The following NR3C2 variants were observed in gnomAD, a reference collection of about 807,000 sequenced individuals.
NR3C2 encodes the protein mineralocorticoid receptor.
In NR3C2, 15 loss-of-function variants were observed where a neutral mutation model predicts 86.4. The ratio of observed to expected loss-of-function variants is 0.17; its 90% CI spans 0.12 to 0.27. The LOEUF (loss-of-function observed/expected upper bound fraction) is 0.27, where lower values mean the gene tolerates loss of function less well. NR3C2 is among the 10% of genes least tolerant of loss of function. The probability of loss-of-function intolerance (pLI) is 1.00; values close to 1 mark genes in which losing one functional copy is unlikely to be tolerated. For synonymous variants in NR3C2, 458 were observed against 450.5 expected, an observed-to-expected ratio of 1.02 and a Z score of -0.21; for missense variants, 960 against 1,195.6, an observed-to-expected ratio of 0.80 and a Z score of 2.91.
intron 3 of NR3C2, among the ~76,000 whole-genome samples, chr4:148,209,811 C>T (rs1298410508): frequency 6.6e-6 from 1 of 152,164 alleles, no homozygotes; most frequent in Non-Finnish European, 1.5e-5. Flanking sequence ...CTCCAGATCC[C>T]ATCCAGCCTT....
chr4:148,378,941 AAAT>A (rs1160758831), intron 2 of NR3C2, among the ~76,000 whole-genome samples: 1 of 152,226 alleles, frequency 6.6e-6, no homozygotes, highest in Admixed American at 6.5e-5. Context: ...AATTGTGTTC[AAAT>A]AATAGAATAT....
chr4:148,231,015 T>G (rs1738433823), intron 3 of NR3C2, among the ~76,000 whole-genome samples: 2 of 152,238 alleles, frequency 1.3e-5, no homozygotes, highest in Admixed American at 1.3e-4. Flanking sequence ...CAGAGAAGAC[T>G]GCTTTTTATT....
intron 3 of NR3C2, among the ~76,000 whole-genome samples, chr4:148,221,156 C>T (rs1737819928): frequency 6.6e-6 from 1 of 152,268 alleles, no homozygotes; most frequent in African/African-American, 2.4e-5. Context: ...TCAGTGTCAG[C>T]TTGCTCATCT....
chr4:148,296,475 T>C (rs1490508992), intron 2 of NR3C2, among the ~76,000 whole-genome samples: 1 of 152,178 alleles, frequency 6.6e-6, no homozygotes, highest in Non-Finnish European at 1.5e-5. Context: ...CATTACACCT[T>C]TCATAATCAT....
chr4:148,099,403 C>T (rs945258919), intron 8 of NR3C2, among the ~76,000 whole-genome samples: 4 of 152,174 alleles, frequency 2.6e-5, no homozygotes, highest in African/African-American at 9.7e-5. Context: ...ACAGGAGCCA[C>T]CTGATGGCTC....
rs1399820562 is a variant in NR3C2 at position 148,079,752 on chromosome 4, T to C, written c.*1592A>G. 1.3e-5 allele frequency: 2 copies of C among 152,642 alleles called. No individual in the cohort carries two copies. The highest frequency in any genetic ancestry group is 2.9e-5 in the Non-Finnish European group (2 of 68,050). 9.5% of individuals were successfully genotyped at this position (152,642 alleles called of 1,614,324 possible). A position where few individuals can be genotyped will look rare whatever the true frequency, so the allele number is the denominator to read the frequency against. On this transcript the variant is annotated 3_prime_UTR_variant, in exon 9 of 9. Transcript: ENST00000358102. ...TGTAATTTTTCTCCAAAACTGTTTA[T>C]GTATAAAACTTATTTTTAAAACCTA... is the stretch of plus-strand genomic sequence containing the variant.
In NR3C2 at chr4:148,268,733, T is replaced by C. The variant is rs79424581; in HGVS notation, c.1758-8616A>G. Among the ~76,000 whole-genome samples the C allele has an allele frequency of 7.6e-3, 1,155 of 152,162 alleles. 11 individuals are homozygous for C. Among genetic ancestry groups the C allele is most frequent in the Non-Finnish European group, 0.013 (858 of 67,998 alleles). ...GTACCTTAGAGACAATCACAGAAAA[T>C]GGCCCAAATCATGGAGGGTCTCTAA... On this transcript the variant is annotated intron_variant, in intron 2 of 8. Coordinates refer to ENST00000358102, the MANE Select transcript of NR3C2 (RefSeq NM_000901.5).
intron 6 of NR3C2, among the ~76,000 whole-genome samples, chr4:148,126,615 A>G (rs995310192): frequency 6.6e-6 from 1 of 152,224 alleles, no homozygotes; most frequent in Non-Finnish European, 1.5e-5. Context: ...CAGATTAAAG[A>G]TTAAAGAGAG....
chr4:148,389,917 T>A (rs1747455377), intron 2 of NR3C2, among the ~76,000 whole-genome samples: 1 of 152,098 alleles, frequency 6.6e-6, no homozygotes, highest in South Asian at 2.1e-4. Flanking sequence ...AAAATCTGAC[T>A]GTAACACTAT....
chr4:148,420,334 A>G (rs1749220652), intron 2 of NR3C2, among the ~76,000 whole-genome samples: 1 of 152,188 alleles, frequency 6.6e-6, no homozygotes, highest in Non-Finnish European at 1.5e-5. Flanking sequence ...CATTTGTTTA[A>G]GCCAAGAGAT....
chr4:148,219,284 C>A (rs192291838), intron 3 of NR3C2, among the ~76,000 whole-genome samples: 1 of 152,086 alleles, frequency 6.6e-6, no homozygotes, highest in Non-Finnish European at 1.5e-5. Context: ...AGATTATGCA[C>A]GTCTACTCAA....
At chr4:148,372,430 T>C (rs1473867547) in intron 2 of NR3C2, among the ~76,000 whole-genome samples, 1 of 152,020 alleles carries the variant, frequency 6.6e-6, no homozygotes, top group Non-Finnish European at 1.5e-5. Context: ...TTGAAGGTGA[T>C]ATGACCGGCA....
chr4:148,154,311 A>G (rs557905083), intron 5 of NR3C2, among the ~76,000 whole-genome samples: 4 of 152,340 alleles, frequency 2.6e-5, no homozygotes, highest in Admixed American at 2.0e-4. Flanking sequence ...GGCGTGAGCC[A>G]CTGCGCCCAG....
At chr4:148,211,709 C>A (rs1476214260) in intron 3 of NR3C2, among the ~76,000 whole-genome samples, 1 of 139,282 alleles carries the variant, frequency 7.2e-6, no homozygotes, top group East Asian at 2.2e-4. Context: ...AAACAAAATA[C>A]AGCTTGCAGG....
At chr4:148,207,555 C>G (rs888751245) in intron 3 of NR3C2, among the ~76,000 whole-genome samples, 6 of 152,154 alleles carry the variant, frequency 3.9e-5, no homozygotes, top group African/African-American at 1.4e-4. Flanking sequence ...GTTCCTAATG[C>G]GATTCATAAG....
chr4:148,106,033 G>A (rs543287891), intron 8 of NR3C2, among the ~76,000 whole-genome samples: 1 of 151,902 alleles, frequency 6.6e-6, no homozygotes, highest in South Asian at 2.1e-4. Flanking sequence ...GCAAGAGAAA[G>A]ATATAAAGGG....
chr4:148,328,738 T>C (rs1242989474), intron 2 of NR3C2, among the ~76,000 whole-genome samples: 1 of 152,124 alleles, frequency 6.6e-6, no homozygotes, highest in East Asian at 1.9e-4. Flanking sequence ...AGGGAAGAAA[T>C]TAATAACAGG....
At chr4:148,269,760 A>G (rs954588183) in intron 2 of NR3C2, among the ~76,000 whole-genome samples, 6 of 152,198 alleles carry the variant, frequency 3.9e-5, no homozygotes, top group African/African-American at 1.4e-4. Context: ...AGTTATTCGG[A>G]ATCCTCAGGG....
At chr4:148,235,532 A>T (rs1052956398) in intron 3 of NR3C2, among the ~76,000 whole-genome samples, 4 of 152,144 alleles carry the variant, frequency 2.6e-5, no homozygotes, top group African/African-American at 9.7e-5. Context: ...GACTTTTCTT[A>T]AAGTTTAAAA....
Sources: allele counts gnomAD v4.1 joint callset (sites outside exome capture counted in the v4.1 genomes callset), GRCh38; gene constraint gnomAD v4.1.1; transcripts MANE v1.5; gene names NCBI Gene and HGNC (gene_info 2026-07-23, HGNC 2026-07-21).